Variants in PRKCA observed in about 807,000 individuals in gnomAD.
PRKCA encodes the protein protein kinase C alpha type.
PRKCA carries 27 observed loss-of-function variants against 87.0 expected under a neutral mutation model. That is an observed-to-expected ratio of 0.31 (90% CI 0.23 to 0.43). PRKCA has a LOEUF of 0.43. Among genes scored for constraint, PRKCA ranks in the 20% least tolerant of loss-of-function variants. The probability of loss-of-function intolerance (pLI) is 1.00; values close to 1 mark genes in which losing one functional copy is unlikely to be tolerated. For synonymous variants in PRKCA, 329 were observed against 311.1 expected (o/e 1.06, Z -0.61); for missense variants, 518 against 852.3 (o/e 0.61, Z 4.88).
At chr17:66,444,690 A>G (rs191433541) in intron 2 of PRKCA, among the ~76,000 whole-genome samples, 45 of 152,282 alleles carry the variant, frequency 3.0e-4, no homozygotes, top group Middle Eastern at 3.4e-3. Flanking sequence ...TGTGTTGGCA[A>G]TGAATTTCGG....
intron 3 of PRKCA, among the ~76,000 whole-genome samples, chr17:66,551,013 C>G (rs866556172): frequency 6.6e-6 from 1 of 152,264 alleles, no homozygotes; most frequent in South Asian, 2.1e-4. Context: ...TAAATTACCC[C>G]AAAACACAGT....
chr17:66,597,501 G>T (rs1970005090), intron 3 of PRKCA, among the ~76,000 whole-genome samples: 1 of 39,374 alleles, frequency 2.5e-5, no homozygotes, highest in Non-Finnish European at 4.3e-5. Flanking sequence ...AGATGAGTAG[G>T]TTGCGAAAAG....
At position 66,807,889 on chromosome 17, in the gene PRKCA, T is replaced by A. The variant is rs1427810805; in HGVS notation, c.*3852T>A. ...CAGGGTTTGGGTGCATCCAGAAATA[T>A]GCCTGCAGTAGGAGGGAGAGGAAGG... On this transcript the variant is annotated 3_prime_UTR_variant, in exon 17 of 17. Transcript: ENST00000413366. The surrounding 1 kb of genome is among the most constrained non-coding windows in gnomAD (Gnocchi z 4.3). The A allele has an allele frequency of 6.6e-6, 1 of 152,224 alleles. No individual in the cohort carries two copies. Among genetic ancestry groups the A allele is most frequent in the East Asian group, 1.9e-4 (1 of 5,200 alleles). The allele number at this position is 152,224 out of a possible 1,614,324, so 9.4% of individuals were successfully genotyped here. A position where few individuals can be genotyped will look rare whatever the true frequency, so the allele number is the denominator to read the frequency against.
At chr17:66,369,026 C>T (rs751059358) in intron 2 of PRKCA, among the ~76,000 whole-genome samples, 32 of 152,290 alleles carry the variant, frequency 2.1e-4, no homozygotes, top group Non-Finnish European at 4.0e-4. Flanking sequence ...AATATTCCAT[C>T]GGTCCTTTTC....
chr17:66,420,077 T>G (rs1912399533), intron 2 of PRKCA, among the ~76,000 whole-genome samples: 1 of 148,560 alleles, frequency 6.7e-6, no homozygotes, highest in Non-Finnish European at 1.5e-5. Context: ...AGTGGCGCAA[T>G]CTCGGCTCAC....
At position 66,302,868 on chromosome 17, in the gene PRKCA, C is replaced by G. The variant is rs879211098; in HGVS notation, c.17C>G (p.Pro6Arg). MADVF[P>R]GNDSTASQDV... ...GGGGGGACCATGGCTGACGTTTTCC[C>G]GGGCAACGACTCCACGGCGTCTCAG... is the stretch of plus-strand genomic sequence containing the variant. Residue 6 changes from proline to arginine, a missense_variant, in exon 1 of 17, where the codon CCG becomes CGG. Pro to Arg is a moderately radical substitution (Grantham distance 103). Around this residue, in one of 5 missense-constraint regions of PRKCA, gnomAD observed 33 missense variants for 34.1 expected, o/e 0.97. Transcript: ENST00000413366. 3.7e-6 allele frequency: 6 copies of G among 1,607,452 alleles called. No individual in the cohort carries two copies. The highest frequency in any genetic ancestry group is 1.7e-6 in the Non-Finnish European group (2 of 1,177,088).
intron 2 of PRKCA, among the ~76,000 whole-genome samples, chr17:66,352,898 G>A (rs1706145809): frequency 6.6e-6 from 1 of 152,052 alleles, no homozygotes; most frequent in African/African-American, 2.4e-5. Flanking sequence ...GAGGAGGGAA[G>A]TGGCGAAGAA....
intron 14 of PRKCA, among the ~76,000 whole-genome samples, chr17:66,782,712 C>T (rs1003925213): frequency 3.3e-5 from 5 of 152,232 alleles, no homozygotes; most frequent in Admixed American, 1.3e-4. Flanking sequence ...ACCCCAACAC[C>T]CTTGCCCTCA....
chr17:66,705,161 A>T (rs1973161724), intron 8 of PRKCA, among the ~76,000 whole-genome samples: 1 of 152,202 alleles, frequency 6.6e-6, no homozygotes, highest in Admixed American at 6.5e-5. Flanking sequence ...TAACTGTGTG[A>T]TGTTAAGGGG....
At chr17:66,796,555 C>T (rs1172592690) in intron 16 of PRKCA, 26 of 985,184 alleles carry the variant, frequency 2.6e-5, no homozygotes, top group African/African-American at 3.5e-5. Context: ...ACTTTATAAC[C>T]CTTAACCGTG....
chr17:66,694,297 A>G (rs1447181557), intron 8 of PRKCA, among the ~76,000 whole-genome samples: 6 of 152,038 alleles, frequency 3.9e-5, no homozygotes, highest in Admixed American at 2.0e-4. Context: ...CCTGGCCAAG[A>G]TGGTGAAACC....
chr17:66,800,129 C>A (rs2144431544), intron 16 of PRKCA, among the ~76,000 whole-genome samples: 1 of 152,326 alleles, frequency 6.6e-6, no homozygotes, highest in African/African-American at 2.4e-5. Flanking sequence ...CGCCCTCGGC[C>A]TGTGCCTGCC....
chr17:66,610,862 CT>C (rs138494302), intron 3 of PRKCA, among the ~76,000 whole-genome samples: 153 of 152,208 alleles, frequency 1.0e-3, no homozygotes, highest in African/African-American at 3.7e-3. Flanking sequence ...AAAGGAGAGA[CT>C]GTCCATTACA....
intron 5 of PRKCA, among the ~76,000 whole-genome samples, chr17:66,678,666 A>G (rs774884133): frequency 2.0e-5 from 2 of 101,218 alleles, no homozygotes; most frequent in Non-Finnish European, 3.7e-5. Context: ...TTGTTGACTG[A>G]AAAAAAAAAA....
chr17:66,490,936 T>C (rs1916217858), intron 2 of PRKCA, among the ~76,000 whole-genome samples: 1 of 152,232 alleles, frequency 6.6e-6, no homozygotes, highest in African/African-American at 2.4e-5. Flanking sequence ...TTCTGAAATA[T>C]ACTTTCGACA....
chr17:66,743,287 A>G (rs970403278), intron 13 of PRKCA, among the ~76,000 whole-genome samples: 5 of 152,210 alleles, frequency 3.3e-5, no homozygotes, highest in South Asian at 2.1e-4. Context: ...AGATCATGCC[A>G]TTGCACTCCA....
intron 2 of PRKCA, chr17:66,415,243 G>T (rs1422798050): frequency 1.3e-5 from 2 of 152,140 alleles, no homozygotes; most frequent in Non-Finnish European, 2.9e-5. Context: ...TGCTGTCATT[G>T]AATTTTTAAT....
intron 3 of PRKCA, among the ~76,000 whole-genome samples, chr17:66,533,779 GT>G (rs1242294709): frequency 2.0e-5 from 3 of 152,146 alleles, no homozygotes; most frequent in African/African-American, 7.2e-5. Context: ...GCGGCTTTTA[GT>G]TGCTCAGGCT....
intron 4 of PRKCA, 34 bp downstream of exon 4, chr17:66,641,500 G>A (rs1408241378): frequency 6.7e-7 from 1 of 1,497,950 alleles, no homozygotes; most frequent in Non-Finnish European, 9.2e-7. Flanking sequence ...TCATAGCGAG[G>A]CTCTGTAGCT....
Sources: allele counts gnomAD v4.1 joint callset (sites outside exome capture counted in the v4.1 genomes callset), GRCh38; gene constraint gnomAD v4.1.1; regional missense constraint gnomAD v4.1.1; non-coding constraint Gnocchi (gnomAD v3.1); transcripts MANE v1.5; gene names NCBI Gene and HGNC (gene_info 2026-07-23, HGNC 2026-07-21).